MIS18A: variants seen among roughly 807,000 people sequenced by gnomAD.
MIS18A encodes MIS18 kinetochore protein A.
In MIS18A, 14 loss-of-function variants were observed where a neutral mutation model predicts 25.0. The ratio of observed to expected loss-of-function variants is 0.56; its 90% CI spans 0.37 to 0.88. MIS18A has a LOEUF of 0.88. Among genes scored for constraint, MIS18A ranks in the 40% least tolerant of loss-of-function variants. The probability of loss-of-function intolerance (pLI) is 0.00; values close to 1 mark genes in which losing one functional copy is unlikely to be tolerated. For missense variants in MIS18A, 292 were observed against 290.8 expected, an observed-to-expected ratio of 1.00 and a Z score of -0.03; for synonymous variants, 134 against 118.6, an observed-to-expected ratio of 1.13 and a Z score of -0.84.
the MIS18A span, among the ~76,000 whole-genome samples, chr21:32,256,026 A>G: frequency 2.0e-5 from 3 of 152,174 alleles, no homozygotes; most frequent in Non-Finnish European, 4.4e-5. Context: ...TTCTTTGAGG[A>G]TAACCATAAA....
At chr21:32,164,233 G>A in the MIS18A span, among the ~76,000 whole-genome samples, 1 of 152,112 alleles carries the variant, frequency 6.6e-6, no homozygotes, top group East Asian at 1.9e-4. Context: ...AAGATAAGGA[G>A]TATAAAGCAT....
At chr21:32,224,241 C>T in the MIS18A span, among the ~76,000 whole-genome samples, 14 of 149,632 alleles carry the variant, frequency 9.4e-5, no homozygotes, top group East Asian at 3.9e-4. Flanking sequence ...CCTCTCTCAC[C>T]GCTCCTATTC....
At chr21:32,222,165 T>G in the MIS18A span, among the ~76,000 whole-genome samples, 1 of 150,742 alleles carries the variant, frequency 6.6e-6, no homozygotes, top group Non-Finnish European at 1.5e-5. Context: ...AAAACAGACT[T>G]TAAACCAACA....
chr21:32,277,032 G>A (rs550248348), intron 1 of MIS18A, among the ~76,000 whole-genome samples: 16 of 152,202 alleles, frequency 1.1e-4, no homozygotes, highest in African/African-American at 3.9e-4. Flanking sequence ...TGTACAGAAT[G>A]TAAATGTATA....
the MIS18A span, among the ~76,000 whole-genome samples, chr21:32,157,021 G>A: frequency 1.4e-3 from 211 of 150,334 alleles, no homozygotes; most frequent in Non-Finnish European, 2.1e-3. Flanking sequence ...CCACTAGGCT[G>A]ATTGCATTTC....
the MIS18A span, among the ~76,000 whole-genome samples, chr21:32,246,374 T>G: frequency 1.3e-5 from 2 of 152,134 alleles, no homozygotes; most frequent in African/African-American, 4.8e-5. Context: ...GGTACGCCCC[T>G]TCTTCCCTGG....
the MIS18A span, among the ~76,000 whole-genome samples, chr21:32,158,326 A>G: frequency 6.6e-6 from 1 of 152,190 alleles, no homozygotes; most frequent in Non-Finnish European, 1.5e-5. Flanking sequence ...TTAAAGAAAC[A>G]CATTATAGAA....
chr21:32,221,960 A>G, the MIS18A span, among the ~76,000 whole-genome samples: 2 of 152,252 alleles, frequency 1.3e-5, no homozygotes, highest in East Asian at 1.9e-4. Context: ...TTAAATGTAA[A>G]TGGGCTAAAC....
the MIS18A span, among the ~76,000 whole-genome samples, chr21:32,255,929 T>C: frequency 2.0e-5 from 3 of 150,554 alleles, no homozygotes; most frequent in African/African-American, 7.3e-5. Flanking sequence ...ACGCCTGGGG[T>C]AAGTACATTT....
the MIS18A span, among the ~76,000 whole-genome samples, chr21:32,238,492 C>T: frequency 2.0e-5 from 3 of 152,142 alleles, no homozygotes; most frequent in Non-Finnish European, 2.9e-5. Flanking sequence ...TTCCTTCTAC[C>T]CACTTTAATC....
At chr21:32,256,333 G>T in the MIS18A span, among the ~76,000 whole-genome samples, 1 of 151,980 alleles carries the variant, frequency 6.6e-6, no homozygotes, top group African/African-American at 2.4e-5. Flanking sequence ...GTTCAAACCT[G>T]TCCACATTTC....
chr21:32,259,771 C>G, the MIS18A span: 1 of 152,152 alleles, frequency 6.6e-6, no homozygotes, highest in Non-Finnish European at 1.5e-5. Context: ...CATTCACACC[C>G]CACCCCACCC....
chr21:32,193,242 T>A, the MIS18A span, among the ~76,000 whole-genome samples: 1 of 152,144 alleles, frequency 6.6e-6, no homozygotes, highest in East Asian at 1.9e-4. Context: ...GGGACAGTCC[T>A]GTCCTTAACT....
chr21:32,245,372 G>A, the MIS18A span, among the ~76,000 whole-genome samples: 1 of 152,190 alleles, frequency 6.6e-6, no homozygotes, highest in Non-Finnish European at 1.5e-5. Flanking sequence ...ATCCCTGCTC[G>A]CTCTTCCAAG....
intron 1 of MIS18A, among the ~76,000 whole-genome samples, chr21:32,277,584 C>G (rs2031838901): frequency 6.6e-6 from 1 of 152,188 alleles, no homozygotes; most frequent in African/African-American, 2.4e-5. Context: ...TCCGGAGTGG[C>G]TAGGATTACA....
At chr21:32,229,609 T>C in the MIS18A span, among the ~76,000 whole-genome samples, 1 of 152,248 alleles carries the variant, frequency 6.6e-6, no homozygotes, top group Admixed American at 6.5e-5. Flanking sequence ...CCCGCATCTT[T>C]GCCAAATACA....
intron 1 of MIS18A, among the ~76,000 whole-genome samples, chr21:32,277,360 T>A (rs1048648868): frequency 6.6e-6 from 1 of 152,198 alleles, no homozygotes; most frequent in East Asian, 1.9e-4. Flanking sequence ...AAATGAAAGA[T>A]GTAACATCAA....
chr21:32,201,237 C>G, the MIS18A span, among the ~76,000 whole-genome samples: 5 of 151,864 alleles, frequency 3.3e-5, no homozygotes, highest in East Asian at 9.7e-4. Context: ...GGGGATCCGC[C>G]CCTATGACCA....
the MIS18A span, among the ~76,000 whole-genome samples, chr21:32,259,284 C>T: frequency 1.3e-5 from 2 of 152,140 alleles, no homozygotes; most frequent in South Asian, 2.1e-4. Flanking sequence ...GCTCCAAGAC[C>T]GCAGGCCTCT....
Sources: allele counts gnomAD v4.1 joint callset (sites outside exome capture counted in the v4.1 genomes callset), GRCh38; gene constraint gnomAD v4.1.1; transcripts MANE v1.5; gene names NCBI Gene and HGNC (gene_info 2026-07-23, HGNC 2026-07-21).